The following CYP4F3 variants were observed in gnomAD, a reference collection of about 807,000 sequenced individuals.
CYP4F3 encodes cytochrome P450 family 4 subfamily F member 3, also known as cytochrome P450 4F3.
CYP4F3 carries 50 observed loss-of-function variants against 54.8 expected under a neutral mutation model. That is an observed-to-expected ratio of 0.91 (90% CI 0.73 to 1.16). The LOEUF is 1.16. CYP4F3 is among the 50% of genes most tolerant of loss of function. The pLI is 0.00. For missense variants in CYP4F3, 715 were observed against 676.2 expected (o/e 1.06, Z -0.64); for synonymous variants, 244 against 262.6 (o/e 0.93, Z 0.69).
intron 5 of CYP4F3, among the ~76,000 whole-genome samples, chr19:15,648,576 C>T (rs747225083): frequency 1.3e-5 from 2 of 152,112 alleles, no homozygotes; most frequent in Non-Finnish European, 2.9e-5. Context: ...TTTTTATAAT[C>T]AATTTATAAC....
At chr19:15,651,643 G>A (rs1303158474) in intron 7 of CYP4F3, among the ~76,000 whole-genome samples, 5 of 151,570 alleles carry the variant, frequency 3.3e-5, no homozygotes, top group Non-Finnish European at 7.4e-5. Context: ...CACTGCACCC[G>A]GCCATATTTT....
At position 15,650,680 on chromosome 19, in the gene CYP4F3, C is replaced by CTTTCTTTCTTTCTTTCTTTCTTTCTTT. The variant is rs1568397546; in HGVS notation, c.918+498_918+524dup. Among the ~76,000 whole-genome samples, 14 of 58,074 alleles carry CTTTCTTTCTTTCTTTCTTTCTTTCTTT rather than the reference C, an allele frequency of 2.4e-4. 1 individual carries two copies. The highest frequency in any genetic ancestry group is 6.6e-4 in the South Asian group (1 of 1,510). The allele number at this position is 58,074 out of a possible 152,430, so 38.1% of individuals were successfully genotyped here. ...CTTCTTTTTCTTTCTTTCTTTCTTTCTTTCTTTCTTTCTTTCTTTCTTTCT... is the reference window on the plus strand; with the variant it reads ...CTTCTTTTTCTTTCTTTCTTTCTTTCTTTCTTTCTTTCTTTCTTTCTTTCTTTTTTCTTTCTTTCTTTCTTTCTTTCT... On this transcript the variant is annotated intron_variant, in intron 7 of 12. Coordinates refer to ENST00000221307, the MANE Select transcript of CYP4F3 (RefSeq NM_000896.3).
In CYP4F3 at chr19:15,660,133, G is replaced by A. The variant is rs541003658; in HGVS notation, c.*748G>A. Reference sequence around the variant, plus strand: ...ATCATCTTAGGAAACATTATTTTGTGTTCTTCAAAATGTGCATGTTAAGTA... The same window carrying A: ...ATCATCTTAGGAAACATTATTTTGTATTCTTCAAAATGTGCATGTTAAGTA... On this transcript the variant is annotated 3_prime_UTR_variant, in exon 13 of 13. Coordinates refer to ENST00000221307, the MANE Select transcript of CYP4F3 (RefSeq NM_000896.3). 2.0e-4 allele frequency: 31 copies of A among 152,184 alleles called. No individual in the cohort carries two copies. The highest frequency in any genetic ancestry group is 7.0e-4 in the African/African-American group (29 of 41,508). 9.4% of individuals were successfully genotyped at this position (152,184 alleles called of 1,614,324 possible).
chr19:15,650,421 T>C lies in CYP4F3; in HGVS notation c.918+238T>C. 3 of 741,826 alleles carry C rather than the reference T, an allele frequency of 4.0e-6. No homozygotes were observed. The South Asian group carries it at 5.4e-5, about 13-fold the overall frequency. 46.0% of individuals were successfully genotyped at this position (741,826 alleles called of 1,614,324 possible). ...TTACTCTATTTATAAGTTAATAAGC[T>C]AATTGGCCACCTTTTAATCTATATA... On this transcript the variant is annotated intron_variant, in intron 7 of 12. Transcript: ENST00000221307.
chr19:15,654,152 G>A (rs1476871107), intron 9 of CYP4F3, among the ~76,000 whole-genome samples: 2 of 152,108 alleles, frequency 1.3e-5, no homozygotes, highest in Non-Finnish European at 2.9e-5. Context: ...TCCCGTCCAT[G>A]CCTTTGCCCA....
At position 15,658,832 on chromosome 19, in the gene CYP4F3, G is replaced by A. The variant is rs754142633; in HGVS notation, c.1397+23G>A. The A allele has an allele frequency of 4.3e-6, 7 of 1,613,164 alleles. No homozygotes were observed. In the African/African-American group the frequency reaches 8.0e-5, roughly 18 times the overall value. On this transcript the variant is annotated intron_variant, in intron 12 of 12. Coordinates refer to ENST00000221307, the MANE Select transcript of CYP4F3 (RefSeq NM_000896.3). Reference sequence around the variant, plus strand: ...CAGGTAAGAGCGGCCTGTGTTTGAGGCGGGGACGGGGAGATAGGTGCAGGG... The same window carrying A: ...CAGGTAAGAGCGGCCTGTGTTTGAGACGGGGACGGGGAGATAGGTGCAGGG...
intron 3 of CYP4F3, 126 bp downstream of exon 3, chr19:15,645,989 A>T: frequency 7.7e-7 from 1 of 1,306,558 alleles, no homozygotes; most frequent in Non-Finnish European, 1.0e-6. Flanking sequence ...TGTGGTGGAG[A>T]TGCCACTGCT....
At chr19:15,642,231 G>A (rs137973883) in intron 2 of CYP4F3, among the ~76,000 whole-genome samples, 3 of 152,338 alleles carry the variant, frequency 2.0e-5, no homozygotes, top group East Asian at 3.9e-4. Flanking sequence ...TTTGCGGAAC[G>A]TGGTCTCAAT....
rs1279352039 is a variant in CYP4F3 at position 15,643,455 on chromosome 19, TAGAC to T, written c.198+1849_198+1852del. 2.4e-4 allele frequency among the ~76,000 whole-genome samples: 34 copies of T among 143,776 alleles called. No homozygotes were observed. The East Asian group carries it at 2.8e-3, about 12-fold the overall frequency. The allele number at this position is 143,776 out of a possible 152,430, so 94.3% of individuals were successfully genotyped here. On this transcript the variant is annotated intron_variant, in intron 2 of 12. Transcript: ENST00000221307. ...ATAGATAGATAGATAGATAGATAGATAGACAGACAGGCAGACAGACAGATAGATA... is the reference window on the plus strand; with the variant it reads ...ATAGATAGATAGATAGATAGATAGATAGACAGGCAGACAGACAGATAGATA...
In CYP4F3 at chr19:15,661,726, A is replaced by C. The variant is rs1973187963; in HGVS notation, c.*2341A>C. 6.6e-6 allele frequency: 1 copy of C among 152,160 alleles called. No homozygotes were observed. The highest frequency in any genetic ancestry group is 1.5e-5 in the Non-Finnish European group (1 of 68,028). The allele number at this position is 152,160 out of a possible 1,614,324, so 9.4% of individuals were successfully genotyped here. On this transcript the variant is annotated 3_prime_UTR_variant, in exon 13 of 13. Coordinates refer to ENST00000221307, the MANE Select transcript of CYP4F3 (RefSeq NM_000896.3). ...CTTTCTTTCATAGAGCAAACGTTTTAAATTTTTATGAAGTAAGACTTCTCA... is the reference window on the plus strand; with the variant it reads ...CTTTCTTTCATAGAGCAAACGTTTTCAATTTTTATGAAGTAAGACTTCTCA...
chr19:15,645,991 G>T (rs1453249540), intron 3 of CYP4F3, 128 bp downstream of exon 3: 2 of 1,299,086 alleles, frequency 1.5e-6, no homozygotes, highest in African/African-American at 3.0e-5. Flanking sequence ...TGGTGGAGAT[G>T]CCACTGCTTC....
At position 15,661,061 on chromosome 19, in the gene CYP4F3, C is replaced by T. The variant is rs1414886070; in HGVS notation, c.*1676C>T. 4.0e-5 allele frequency: 6 copies of T among 151,844 alleles called. No individual in the cohort carries two copies. The highest frequency in any genetic ancestry group is 4.2e-4 in the South Asian group (2 of 4,786). The allele number at this position is 151,844 out of a possible 1,614,324, so 9.4% of individuals were successfully genotyped here. A position where few individuals can be genotyped will look rare whatever the true frequency, so the allele number is the denominator to read the frequency against. ...ACTTAGAATAATGATCCAGCCATCT[C>T]ATTCTAACAGCAATGAGAACTTAGG... On this transcript the variant is annotated 3_prime_UTR_variant, in exon 13 of 13. Coordinates refer to ENST00000221307, the MANE Select transcript of CYP4F3 (RefSeq NM_000896.3).
At position 15,649,147 on chromosome 19, in the gene CYP4F3, C is replaced by G. The variant is rs1972711585; in HGVS notation, c.526-13C>G. On this transcript the variant is annotated splice_polypyrimidine_tract_variant and intron_variant, in intron 5 of 12. Coordinates refer to ENST00000221307, the MANE Select transcript of CYP4F3 (RefSeq NM_000896.3). ...AAGGGACCTGCCCCAGCTCTGTCCC[C>G]TTCTCTGGCTAGGCCAAGTGGCAGC... 7 of 1,612,920 alleles carry G rather than the reference C, an allele frequency of 4.3e-6. No individual in the cohort carries two copies. In the African/African-American group the frequency reaches 5.3e-5, roughly 12 times the overall value.
intron 2 of CYP4F3, among the ~76,000 whole-genome samples, chr19:15,643,260 A>G (rs1458347791): frequency 5.3e-5 from 8 of 152,138 alleles, no homozygotes; most frequent in African/African-American, 1.9e-4. Context: ...ATAAGATAGA[A>G]TGGATGGATT....
chr19:15,644,956 AAG>A (rs1972580249), intron 2 of CYP4F3, among the ~76,000 whole-genome samples: 1 of 152,200 alleles, frequency 6.6e-6, no homozygotes, highest in East Asian at 1.9e-4. Flanking sequence ...TAAGCAAAGA[AAG>A]AGAATCTATT....
At chr19:15,655,609 G>A (rs718258) in intron 9 of CYP4F3, among the ~76,000 whole-genome samples, 69,404 of 152,106 alleles carry the variant, frequency 0.46, 16,927 homozygotes, top group East Asian at 0.66. Flanking sequence ...TGGCTATCCC[G>A]ATGCCCACAT....
chr19:15,658,377 A>G lies in CYP4F3; in HGVS notation c.1229A>G (p.Asp410Gly), dbSNP rs761071555. The G allele has an allele frequency of 6.2e-7, 1 of 1,614,080 alleles. No individual in the cohort carries two copies. Among genetic ancestry groups the G allele is most frequent in the Non-Finnish European group, 8.5e-7 (1 of 1,179,986 alleles). The change falls in exon 10 of 13, where the codon GAC becomes GGC. Residue 410 changes from aspartate (D) to glycine (G), a missense_variant. Transcript: ENST00000221307. ...RCCTQDIVLP[D>G]GRVIPKGIIC... ...TGCACCCAAGACATTGTGCTCCCAGACGGCCGGGTCATCCCCAAAGGTGCC... is the reference window on the plus strand; with the variant it reads ...TGCACCCAAGACATTGTGCTCCCAGGCGGCCGGGTCATCCCCAAAGGTGCC...
rs1309398578 is a variant in CYP4F3 at position 15,658,540 on chromosome 19, G to A, written c.1299G>A (p.Val433=). ...SVFGTHHNPA[V]WPDPEVYDPF... is the part of the protein sequence containing the mutation. ...TTGGAACCCATCACAACCCAGCCGTGTGGCCGGACCCTGAGGTGCGGGCCC... is the reference window on the plus strand; with the variant it reads ...TTGGAACCCATCACAACCCAGCCGTATGGCCGGACCCTGAGGTGCGGGCCC... The change falls in exon 11 of 13, where the codon GTG becomes GTA. Residue 433 remains valine (V), a synonymous_variant. Transcript: ENST00000221307. 6.2e-7 allele frequency: 1 copy of A among 1,614,050 alleles called. No individual in the cohort carries two copies. The highest frequency in any genetic ancestry group is 1.3e-5 in the African/African-American group (1 of 74,916).
At chr19:15,658,434 G>T in intron 10 of CYP4F3, 37 bp downstream of exon 10, 1 of 1,613,742 alleles carries the variant, frequency 6.2e-7, no homozygotes, top group Non-Finnish European at 8.5e-7. Flanking sequence ...TCCTGGGTAG[G>T]AAGAGGGGCC....
Sources: allele counts gnomAD v4.1 joint callset (sites outside exome capture counted in the v4.1 genomes callset), GRCh38; gene constraint gnomAD v4.1.1; transcripts MANE v1.5; gene names NCBI Gene and HGNC (gene_info 2026-07-23, HGNC 2026-07-21).